Variants in AHDC1 observed in about 807,000 individuals in gnomAD.
AHDC1 encodes AT-hook DNA binding motif containing 1.
Under a neutral mutation model 87.9 loss-of-function variants are expected in AHDC1, and 7 were observed. That is an observed-to-expected ratio of 0.08 (90% CI 0.05 to 0.15). AHDC1 has a LOEUF of 0.15. AHDC1 is among the 10% of genes least tolerant of loss of function. The probability of loss-of-function intolerance (pLI) is 1.00; values close to 1 mark genes in which losing one functional copy is unlikely to be tolerated. For synonymous variants in AHDC1, 1,051 were observed against 1,006.8 expected, an observed-to-expected ratio of 1.04 and a Z score of -0.83; for missense variants, 1,841 against 2,253.2, an observed-to-expected ratio of 0.82 and a Z score of 3.70.
Position 27,598,214 on chromosome 1 carries a change from GCC to G in AHDC1, c.-629+5181_-629+5182del, listed in dbSNP as rs1372262023. The stretch of plus-strand genomic sequence containing the variant: ...TCGGGGCCAGCCAGCTGCAGAAGCA[GCC>G]CCTCCCCTGGGCTCCCAGGCCAAGG... On this transcript the variant is annotated intron_variant, in intron 3 of 8. Transcript: ENST00000673934. This position sits in a 1 kb window ranked among gnomAD's most constrained non-coding sequence, Gnocchi z 4.2. Among the ~76,000 whole-genome samples, 1 of 152,226 alleles carries G rather than the reference GCC, an allele frequency of 6.6e-6. No homozygotes were observed. Among genetic ancestry groups the G allele is most frequent in the Non-Finnish European group, 1.5e-5 (1 of 68,040 alleles).
At chr1:27,542,863 C>T (rs2018992144) in intron 8 of AHDC1, among the ~76,000 whole-genome samples, 1 of 152,178 alleles carries the variant, frequency 6.6e-6, no homozygotes, top group South Asian at 2.1e-4. Flanking sequence ...AACATGGCTG[C>T]AGGAGTGGCA....
Position 27,550,796 on chromosome 1 carries a change from C to T in AHDC1, c.1320G>A (p.Leu440=). The T allele has an allele frequency of 6.4e-7, 1 of 1,566,906 alleles. No homozygotes were observed. Among genetic ancestry groups the T allele is most frequent in the South Asian group, 1.2e-5 (1 of 86,434 alleles). ...PPPPPPPPPA[L]PGPGPVSVPE... ...GGACTGAGACCGGGCCTGGGCCTGGCAGGGCAGGGGGTGGAGGAGGCGGTG... is the reference window on the plus strand; with the variant it reads ...GGACTGAGACCGGGCCTGGGCCTGGTAGGGCAGGGGGTGGAGGAGGCGGTG... The change falls in exon 8 of 9, where the codon CTG becomes CTA. Residue 440 remains leucine (L), a synonymous_variant. Coordinates refer to ENST00000673934, the MANE Select transcript of AHDC1 (RefSeq NM_001371928.1).
rs1291088963 is a variant in AHDC1, at chr1:27,558,783, ACGGCCTGAGCGT to A, written c.-540_-529del. On this transcript the variant is annotated 5_prime_UTR_variant, in exon 4 of 9. Coordinates refer to ENST00000673934, the MANE Select transcript of AHDC1 (RefSeq NM_001371928.1). This position sits in a 1 kb window ranked among gnomAD's most constrained non-coding sequence, Gnocchi z 5.6. ...CAGCATCTCCAGGGTGGTCTCTGCAACGGCCTGAGCGTCGCCCCGCACTCGGGGCCCTCTGCA... is the reference window on the plus strand; with the variant it reads ...CAGCATCTCCAGGGTGGTCTCTGCAACGCCCCGCACTCGGGGCCCTCTGCA... 2 of 398,560 alleles carry A rather than the reference ACGGCCTGAGCGT, an allele frequency of 5.0e-6. No homozygotes were observed. The highest frequency in any genetic ancestry group is 8.8e-6 in the Non-Finnish European group (2 of 226,102). 24.7% of individuals were successfully genotyped at this position (398,560 alleles called of 1,614,324 possible). A position where few individuals can be genotyped will look rare whatever the true frequency, so the allele number is the denominator to read the frequency against.
At chr1:27,559,188 G>A (rs901217967) in intron 3 of AHDC1, among the ~76,000 whole-genome samples, 3 of 151,754 alleles carry the variant, frequency 2.0e-5, no homozygotes, top group African/African-American at 7.3e-5. Context: ...AGTAGCTGGG[G>A]CTACAGGTAT....
intron 3 of AHDC1, among the ~76,000 whole-genome samples, chr1:27,564,493 C>G (rs547045046): frequency 6.6e-6 from 1 of 152,274 alleles, no homozygotes; most frequent in Admixed American, 6.5e-5. Context: ...TAAAGTGGGC[C>G]GCTCCTCAAG....
intron 5 of AHDC1, among the ~76,000 whole-genome samples, chr1:27,556,647 T>C (rs551586457): frequency 2.0e-5 from 3 of 152,248 alleles, no homozygotes; most frequent in South Asian, 2.1e-4. Context: ...ATCATTTAAA[T>C]AGAGGCACAG....
In AHDC1 at chr1:27,595,166, G is replaced by A. The variant is rs1171795243; in HGVS notation, c.-629+8231C>T. ...TGAGGCAAATGTTGTGGCTACAGAGGGTGTTCTTGTTTGAGTGGGTGTTTG... is the reference window on the plus strand; with the variant it reads ...TGAGGCAAATGTTGTGGCTACAGAGAGTGTTCTTGTTTGAGTGGGTGTTTG... On this transcript the variant is annotated intron_variant, in intron 3 of 8. Transcript: ENST00000673934. The surrounding 1 kb of genome is among the most constrained non-coding windows in gnomAD (Gnocchi z 4.0). Among the ~76,000 whole-genome samples the A allele has an allele frequency of 1.3e-5, 2 of 152,088 alleles. No individual in the cohort carries two copies. Among genetic ancestry groups the A allele is most frequent in the African/African-American group, 4.8e-5 (2 of 41,368 alleles).
intron 8 of AHDC1, among the ~76,000 whole-genome samples, chr1:27,544,673 C>T (rs971515032): frequency 1.3e-5 from 2 of 152,218 alleles, no homozygotes; most frequent in African/African-American, 4.8e-5. Context: ...CTTTCTCATT[C>T]CCGTGGTGAT....
chr1:27,562,016 C>T lies in AHDC1; in HGVS notation c.-628-3133G>A, dbSNP rs139467936. ...AAGAGCCCCAGAGGGGAGAGAGGCA[C>T]GGGGGAAGCGAGCCAGGCAGAGATG... is the stretch of plus-strand genomic sequence containing the variant. On this transcript the variant is annotated intron_variant, in intron 3 of 8. Transcript: ENST00000673934. The surrounding 1 kb of genome is among the most constrained non-coding windows in gnomAD (Gnocchi z 4.4). Among the ~76,000 whole-genome samples, 137 of 151,836 alleles carry T rather than the reference C, an allele frequency of 9.0e-4. No individual in the cohort carries two copies. The highest frequency in any genetic ancestry group is 3.0e-3 in the African/African-American group (125 of 41,378).
intron 3 of AHDC1, among the ~76,000 whole-genome samples, chr1:27,603,143 A>ACCCCCCCCCCCCCCCCCCC (rs1156376060): frequency 9.1e-6 from 1 of 110,424 alleles, no homozygotes; most frequent in Non-Finnish European, 2.0e-5. Context: ...AAACCCGAGA[A>ACCCCCCCCCCCCCCCCCCC]CCCCCCCTCC....
Position 27,562,462 on chromosome 1 carries a change from G to A in AHDC1, c.-628-3579C>T, listed in dbSNP as rs896642764. 3.3e-5 allele frequency among the ~76,000 whole-genome samples: 5 copies of A among 152,146 alleles called. No individual in the cohort carries two copies. Among genetic ancestry groups the A allele is most frequent in the Non-Finnish European group, 7.4e-5 (5 of 68,008 alleles). On this transcript the variant is annotated intron_variant, in intron 3 of 8. Coordinates refer to ENST00000673934, the MANE Select transcript of AHDC1 (RefSeq NM_001371928.1). The surrounding 1 kb of genome is among the most constrained non-coding windows in gnomAD (Gnocchi z 4.4). ...GGAAATAGGGTCCCCAGGCCCTCAG[G>A]GACACAGCCCCCTGCCTCCCATGCA...
chr1:27,548,776 A>C lies in AHDC1; in HGVS notation c.3340T>G (p.Tyr1114Asp). The C allele has an allele frequency of 6.2e-7, 1 of 1,613,094 alleles. No homozygotes were observed. The highest frequency in any genetic ancestry group is 8.5e-7 in the Non-Finnish European group (1 of 1,179,954). The stretch of plus-strand genomic sequence containing the variant: ...TCTGAGGCCCAGTCCAGGCCTCCAT[A>C]GCCCTGCCGGAAAGGCCACTGAGAA... The part of the protein sequence containing the change: ...GASQWPFRQG[Y>D]GGLDWASEAF... Residue 1114 changes from tyrosine (Y) to aspartate (D), a missense_variant, in exon 8 of 9, where the codon TAT (tyrosine) becomes GAT (aspartate). Tyr to Asp is a radical substitution (Grantham distance 160). This residue lies in a region of AHDC1 where 378 missense variants were observed against 399.0 expected (regional missense o/e 0.95). Coordinates refer to ENST00000673934, the MANE Select transcript of AHDC1 (RefSeq NM_001371928.1).
chr1:27,551,559 G>T lies in AHDC1; in HGVS notation c.557C>A (p.Pro186Gln). 4 of 1,608,386 alleles carry T rather than the reference G, an allele frequency of 2.5e-6. No individual in the cohort carries two copies. The highest frequency in any genetic ancestry group is 2.5e-6 in the Non-Finnish European group (3 of 1,176,524). The part of the protein sequence containing the change: ...SIRSPEERAT[P>Q]HAKSERPSHP... ...GCTGGGCCGCTCCGACTTGGCGTGT[G>T]GGGTGGCCCGCTCCTCAGGGCTACG... Residue 186 changes from proline (P) to glutamine (Q), a missense_variant, in exon 8 of 9, where the codon CCA (proline) becomes CAA (glutamine). By Grantham distance (76) the Pro-to-Gln change is moderately conservative (BLOSUM62 -1). Around this residue, in one of 13 missense-constraint regions of AHDC1, gnomAD observed 370 missense variants for 391.5 expected, o/e 0.95. Transcript: ENST00000673934.
intron 8 of AHDC1, among the ~76,000 whole-genome samples, chr1:27,545,586 G>A (rs1005992797): frequency 6.6e-6 from 1 of 152,034 alleles, no homozygotes; most frequent in Admixed American, 6.6e-5. Context: ...ACATCTCCCC[G>A]CCAGTGAGAA....
intron 8 of AHDC1, among the ~76,000 whole-genome samples, chr1:27,539,986 CCA>C (rs1012263880): frequency 6.6e-6 from 1 of 152,052 alleles, no homozygotes; most frequent in Non-Finnish European, 1.5e-5. Context: ...TCTCTCTCCC[CCA>C]CTCTCCACCC....
chr1:27,537,236 C>A (rs566911686), intron 8 of AHDC1, among the ~76,000 whole-genome samples: 1 of 152,296 alleles, frequency 6.6e-6, no homozygotes, highest in African/African-American at 2.4e-5. Context: ...CAGACACTAA[C>A]GTGCCAGGCA....
chr1:27,556,946 A>C (rs2019843212), intron 5 of AHDC1, among the ~76,000 whole-genome samples: 1 of 151,746 alleles, frequency 6.6e-6, no homozygotes, highest in Non-Finnish European at 1.5e-5. Context: ...GATGCCCCCA[A>C]GGGGAGCTGG....
At chr1:27,545,122 G>C (rs1462098471) in intron 8 of AHDC1, among the ~76,000 whole-genome samples, 2 of 151,084 alleles carry the variant, frequency 1.3e-5, no homozygotes, top group South Asian at 2.2e-4. Context: ...GGTCCGGTCA[G>C]CATGCTGTGT....
chr1:27,586,918 G>C (rs2089075700), intron 3 of AHDC1, among the ~76,000 whole-genome samples: 1 of 152,180 alleles, frequency 6.6e-6, no homozygotes, highest in South Asian at 2.1e-4. Context: ...TCCCCTCTGG[G>C]GCTTGGAGTC....
Sources: allele counts gnomAD v4.1 joint callset (sites outside exome capture counted in the v4.1 genomes callset), GRCh38; gene constraint gnomAD v4.1.1; regional missense constraint gnomAD v4.1.1; non-coding constraint Gnocchi (gnomAD v3.1); transcripts MANE v1.5; gene names NCBI Gene and HGNC (gene_info 2026-07-23, HGNC 2026-07-21).